Variants in MISFA observed in about 807,000 individuals in gnomAD.
MISFA encodes the protein mitochondrial sheath formation-associated protein.
chr11:18,601,530 T>G, the MISFA span: 2 of 398,158 alleles, frequency 5.0e-6, no homozygotes, highest in Middle Eastern at 6.3e-4. Flanking sequence ...CATCTCAGCT[T>G]CTTGGGTAGC....
the MISFA span, chr11:18,601,464 T>TC: frequency 3.0e-5 from 12 of 396,722 alleles, no homozygotes; most frequent in Admixed American, 1.3e-4. Flanking sequence ...TTTTTTTTTT[T>TC]CTGAAACAGG....
At chr11:18,606,121 T>G in the MISFA span, among the ~76,000 whole-genome samples, 1 of 152,192 alleles carries the variant, frequency 6.6e-6, no homozygotes, top group African/African-American at 2.4e-5. Flanking sequence ...TTCCAAAACT[T>G]GAGCCACTAA....
chr11:18,605,562 A>G, the MISFA span, among the ~76,000 whole-genome samples: 1 of 152,220 alleles, frequency 6.6e-6, no homozygotes, highest in African/African-American at 2.4e-5. Flanking sequence ...TTCAAAATCC[A>G]TAAGCAAAAC....
At chr11:18,601,096 C>T in the MISFA span, 2 of 398,662 alleles carry the variant, frequency 5.0e-6, no homozygotes, top group Non-Finnish European at 8.8e-6. Context: ...ATTCAGCCTC[C>T]AACTCTGAAG....
chr11:18,607,394 C>T, the MISFA span: 4 of 152,530 alleles, frequency 2.6e-5, no homozygotes, highest in Non-Finnish European at 4.4e-5. Flanking sequence ...AACTACTTTC[C>T]TTTCACATCA....
chr11:18,602,068 A>T, the MISFA span: 1 of 152,182 alleles, frequency 6.6e-6, no homozygotes, highest in Non-Finnish European at 1.5e-5. Context: ...TAAAGGTGGG[A>T]TGCGAGCACA....
chr11:18,601,309 T>C, the MISFA span: 6 of 397,792 alleles, frequency 1.5e-5, no homozygotes, highest in Admixed American at 4.4e-5. Context: ...GGGAAATGAT[T>C]TGGTGAGTAC....
At chr11:18,605,755 A>G in the MISFA span, among the ~76,000 whole-genome samples, 2 of 152,132 alleles carry the variant, frequency 1.3e-5, no homozygotes, top group Non-Finnish European at 2.9e-5. Flanking sequence ...CAGTGGTGCA[A>G]TCTCGGCTCA....
At chr11:18,608,805 A>G in the MISFA span, 1 of 152,642 alleles carries the variant, frequency 6.6e-6, no homozygotes, top group Admixed American at 6.5e-5. Flanking sequence ...TTCACAGTGC[A>G]TAGTTTGAAA....
chr11:18,606,723 T>C, the MISFA span: 437 of 404,374 alleles, frequency 1.1e-3, 2 homozygotes, highest in African/African-American at 8.7e-3. Flanking sequence ...ATATTTATTC[T>C]CTTTCCAAAC....
chr11:18,608,813 A>C, the MISFA span: 1 of 152,656 alleles, frequency 6.6e-6, no homozygotes, highest in Non-Finnish European at 1.5e-5. Flanking sequence ...GCATAGTTTG[A>C]AATCAAAGTG....
chr11:18,601,665 C>A, the MISFA span: 11 of 395,986 alleles, frequency 2.8e-5, no homozygotes, highest in African/African-American at 2.1e-4. Flanking sequence ...CAGCCTTGGC[C>A]TCCCAGAGTG....
At chr11:18,606,191 G>A in the MISFA span, among the ~76,000 whole-genome samples, 1 of 152,194 alleles carries the variant, frequency 6.6e-6, no homozygotes, top group Admixed American at 6.5e-5. Context: ...GAGCAGAACA[G>A]TTCTCTAAGC....
the MISFA span, chr11:18,599,969 G>A: frequency 2.5e-6 from 1 of 399,052 alleles, no homozygotes; most frequent in Non-Finnish European, 4.4e-6. Context: ...GGACTTGTGT[G>A]TTACATGGGC....
At chr11:18,605,927 T>G in the MISFA span, among the ~76,000 whole-genome samples, 2 of 152,116 alleles carry the variant, frequency 1.3e-5, no homozygotes, top group African/African-American at 4.8e-5. Context: ...ATCCACCTGC[T>G]TCTACCTCCC....
the MISFA span, chr11:18,603,196 G>A: frequency 5.0e-6 from 2 of 398,964 alleles, no homozygotes; most frequent in Non-Finnish European, 8.8e-6. Flanking sequence ...CCCAGGAGGG[G>A]TAAGTGTACC....
At chr11:18,607,390 T>C in the MISFA span, 26 of 152,616 alleles carry the variant, frequency 1.7e-4, no homozygotes, top group Non-Finnish European at 3.2e-4. Flanking sequence ...TGAAAACTAC[T>C]TTCCTTTCAC....
the MISFA span, chr11:18,602,191 G>A: frequency 5.9e-5 from 9 of 152,168 alleles, no homozygotes; most frequent in South Asian, 1.2e-3. Context: ...GTTTCTTAAC[G>A]TTTCACCCCA....
At chr11:18,602,436 C>A in the MISFA span, 2 of 152,628 alleles carry the variant, frequency 1.3e-5, no homozygotes, top group Non-Finnish European at 2.9e-5. Flanking sequence ...GCAGTCAGAA[C>A]TTTGTGGCAG....
Sources: allele counts gnomAD v4.1 joint callset (sites outside exome capture counted in the v4.1 genomes callset), GRCh38; gene constraint gnomAD v4.1.1; transcripts MANE v1.5; gene names NCBI Gene and HGNC (gene_info 2026-07-23, HGNC 2026-07-21).